NELL1: variants seen among roughly 807,000 people sequenced by gnomAD.
NELL1 encodes neural EGFL like 1.
NELL1 carries 76 observed loss-of-function variants against 107.4 expected under a neutral mutation model. The ratio of observed to expected loss-of-function variants is 0.71; its 90% CI spans 0.59 to 0.86. NELL1 has a LOEUF of 0.86. Among genes scored for constraint, NELL1 ranks in the 40% least tolerant of loss-of-function variants. The probability of loss-of-function intolerance (pLI) is 0.00; values close to 1 mark genes in which losing one functional copy is unlikely to be tolerated. For synonymous variants in NELL1, 353 were observed against 341.2 expected, an observed-to-expected ratio of 1.03 and a Z score of -0.38; for missense variants, 1,024 against 1,005.5, an observed-to-expected ratio of 1.02 and a Z score of -0.25.
chr11:21,236,124 A>G (rs145952256), intron 14 of NELL1, among the ~76,000 whole-genome samples: 2 of 152,030 alleles, frequency 1.3e-5, no homozygotes, highest in African/African-American at 4.8e-5. Context: ...GCTTAATTCT[A>G]TCCTCTCTTC....
chr11:21,569,938 A>G (rs1197068263), intron 17 of NELL1, among the ~76,000 whole-genome samples: 1 of 151,844 alleles, frequency 6.6e-6, no homozygotes, highest in Non-Finnish European at 1.5e-5. Context: ...AATGGTGATG[A>G]CAGACAGGTC....
chr11:21,018,231 T>A (rs1434380926), intron 12 of NELL1, among the ~76,000 whole-genome samples: 1 of 152,126 alleles, frequency 6.6e-6, no homozygotes, highest in East Asian at 1.9e-4. Context: ...GCCCGGAAAC[T>A]AGGATAGAAT....
intron 2 of NELL1, among the ~76,000 whole-genome samples, chr11:20,760,584 T>G (rs961050183): frequency 3.9e-5 from 6 of 152,080 alleles, no homozygotes; most frequent in Non-Finnish European, 8.8e-5. Flanking sequence ...GCACATGGAG[T>G]GTGTCCAGCC....
chr11:21,517,634 C>T (rs557981971), intron 15 of NELL1, among the ~76,000 whole-genome samples: 4 of 152,180 alleles, frequency 2.6e-5, no homozygotes, highest in South Asian at 4.1e-4. Context: ...GGGATTTAGA[C>T]GTTCTTAGTC....
intron 13 of NELL1, among the ~76,000 whole-genome samples, chr11:21,156,049 T>C (rs1333011699): frequency 6.6e-6 from 1 of 152,022 alleles, no homozygotes; most frequent in South Asian, 2.1e-4. Flanking sequence ...AGATGGAAGT[T>C]TGTAGTTGGG....
At chr11:20,853,567 T>C (rs1848828321) in intron 4 of NELL1, among the ~76,000 whole-genome samples, 1 of 152,172 alleles carries the variant, frequency 6.6e-6, no homozygotes, top group African/African-American at 2.4e-5. Context: ...CCTCTGAAAA[T>C]GTTAAGCTTC....
At chr11:21,271,383 C>T (rs541099604) in intron 14 of NELL1, among the ~76,000 whole-genome samples, 1 of 152,158 alleles carries the variant, frequency 6.6e-6, no homozygotes, top group South Asian at 2.1e-4. Context: ...ATTTGATAAC[C>T]TATGTAAAAT....
intron 7 of NELL1, 84 bp from the exon 8 acceptor site, chr11:20,927,224 G>T: frequency 7.5e-7 from 1 of 1,326,848 alleles, no homozygotes; most frequent in South Asian, 1.4e-5. Context: ...CTTCTCAGAA[G>T]GATTTTTTTT....
chr11:20,792,502 A>G (rs1177754724), intron 3 of NELL1, among the ~76,000 whole-genome samples: 5 of 151,928 alleles, frequency 3.3e-5, no homozygotes, highest in Non-Finnish European at 7.4e-5. Flanking sequence ...ATCTGTCTTT[A>G]TCTATCTAGT....
intron 17 of NELL1, among the ~76,000 whole-genome samples, chr11:21,565,685 AATC>A (rs1288250792): frequency 1.3e-5 from 2 of 152,050 alleles, no homozygotes; most frequent in East Asian, 3.9e-4. Context: ...CACAGTGGAA[AATC>A]ATTGTTATGA....
intron 12 of NELL1, among the ~76,000 whole-genome samples, chr11:20,961,246 T>C (rs7117877): frequency 0.38 from 57,665 of 151,660 alleles, 11,817 homozygotes; most frequent in East Asian, 0.58. Context: ...GAGCATTGCA[T>C]ATATCTATTA....
intron 15 of NELL1, among the ~76,000 whole-genome samples, chr11:21,440,470 G>A (rs1853252564): frequency 6.6e-6 from 1 of 152,054 alleles, no homozygotes; most frequent in Admixed American, 6.5e-5. Context: ...TATTTTCTGG[G>A]TAAATTTATA....
chr11:21,361,439 A>C (rs1590868720), intron 14 of NELL1, among the ~76,000 whole-genome samples: 1 of 152,032 alleles, frequency 6.6e-6, no homozygotes, highest in African/African-American at 2.4e-5. Flanking sequence ...TCCTGACATT[A>C]GATAAACTAA....
chr11:21,328,674 C>A (rs1359971041), intron 14 of NELL1, among the ~76,000 whole-genome samples: 2 of 152,084 alleles, frequency 1.3e-5, no homozygotes, highest in East Asian at 3.9e-4. Flanking sequence ...TGAAAGCATC[C>A]AGGAGGGGAG....
At chr11:21,254,457 T>G (rs1463614182) in intron 14 of NELL1, among the ~76,000 whole-genome samples, 5 of 152,054 alleles carry the variant, frequency 3.3e-5, no homozygotes, top group African/African-American at 7.2e-5. Flanking sequence ...AAGGTTAATG[T>G]TAAGGTAACA....
chr11:21,341,871 A>G (rs562867188), intron 14 of NELL1, among the ~76,000 whole-genome samples: 3 of 152,272 alleles, frequency 2.0e-5, no homozygotes, highest in African/African-American at 7.2e-5. Flanking sequence ...TGGAGAAGAA[A>G]TCAATTGAGA....
At chr11:20,716,853 A>C (rs971502780) in intron 2 of NELL1, among the ~76,000 whole-genome samples, 2 of 152,224 alleles carry the variant, frequency 1.3e-5, no homozygotes, top group Non-Finnish European at 2.9e-5. Context: ...GTATGTAGCA[A>C]ACACTCAGTG....
At chr11:20,796,705 T>C (rs558425643) in intron 3 of NELL1, among the ~76,000 whole-genome samples, 31 of 152,256 alleles carry the variant, frequency 2.0e-4, no homozygotes, top group South Asian at 2.1e-4. Context: ...AATGCAAAAC[T>C]ATCAAATACT....
intron 15 of NELL1, among the ~76,000 whole-genome samples, chr11:21,436,913 GCA>G (rs1853137643): frequency 1.3e-5 from 2 of 151,818 alleles, no homozygotes; most frequent in South Asian, 2.1e-4. Flanking sequence ...CCCTTTATTT[GCA>G]CAGTTTTCAG....
Sources: allele counts gnomAD v4.1 joint callset (sites outside exome capture counted in the v4.1 genomes callset), GRCh38; gene constraint gnomAD v4.1.1; transcripts MANE v1.5; gene names NCBI Gene and HGNC (gene_info 2026-07-23, HGNC 2026-07-21).